The following DDX60L variants were observed in gnomAD, a reference collection of about 807,000 sequenced individuals.
The protein encoded by DDX60L is probable ATP-dependent RNA helicase DDX60-like.
Under a neutral mutation model 211.6 loss-of-function variants are expected in DDX60L, and 191 were observed. The observed-to-expected ratio is 0.90, with a 90% CI of 0.80 to 1.02. The LOEUF (loss-of-function observed/expected upper bound fraction) is 1.02. Among genes scored for constraint, DDX60L ranks in the 50% least tolerant of loss-of-function variants. DDX60L has a pLI of 0.00. For missense variants in DDX60L, 2,007 were observed against 1,984.1 expected (o/e 1.01, Z -0.22); for synonymous variants, 706 against 694.1 (o/e 1.02, Z -0.27).
At chr4:168,433,457 A>G (rs1752636317) in intron 10 of DDX60L, among the ~76,000 whole-genome samples, 1 of 152,150 alleles carries the variant, frequency 6.6e-6, no homozygotes, top group East Asian at 1.9e-4. Flanking sequence ...TTGAAAAAAG[A>G]AGCACCACTC....
At chr4:168,395,839 C>T (rs1437697772) in intron 27 of DDX60L, 120 bp downstream of exon 27, 1 of 710,504 alleles carries the variant, frequency 1.4e-6, no homozygotes. Flanking sequence ...AAATCACACA[C>T]AGAGATAATC....
At chr4:168,449,049 G>C (rs1755260646) in intron 8 of DDX60L, among the ~76,000 whole-genome samples, 1 of 152,090 alleles carries the variant, frequency 6.6e-6, no homozygotes, top group Non-Finnish European at 1.5e-5. Context: ...TAAAACTATA[G>C]ATGACAATAC....
At chr4:168,399,936 T>C (rs1158762639) in intron 26 of DDX60L, among the ~76,000 whole-genome samples, 2 of 152,214 alleles carry the variant, frequency 1.3e-5, no homozygotes, top group African/African-American at 4.8e-5. Context: ...GAGTTTGTTG[T>C]ACAGATTATT....
intron 35 of DDX60L, among the ~76,000 whole-genome samples, chr4:168,372,222 G>A (rs2149638640): frequency 6.6e-6 from 1 of 152,210 alleles, no homozygotes; most frequent in African/African-American, 2.4e-5. Context: ...AAATGAAACA[G>A]CACAAACCTC....
At chr4:168,359,664 G>A (rs548465386) in intron 37 of DDX60L, among the ~76,000 whole-genome samples, 16 of 152,152 alleles carry the variant, frequency 1.1e-4, no homozygotes, top group African/African-American at 3.9e-4. Context: ...GATCTATGTC[G>A]TACTCATCCT....
chr4:168,449,681 T>TAAAAAAAAAAAAAAAAAA (rs1755510284), intron 8 of DDX60L, among the ~76,000 whole-genome samples: 1 of 48,830 alleles, frequency 2.0e-5, no homozygotes. Context: ...AAGAAAAAAA[T>TAAAAAAAAAAAAAAAAAA]TACTAAATGA....
intron 26 of DDX60L, among the ~76,000 whole-genome samples, chr4:168,397,038 C>G (rs1315136534): frequency 1.3e-5 from 2 of 152,076 alleles, no homozygotes; most frequent in Non-Finnish European, 2.9e-5. Flanking sequence ...GATTGGCGAC[C>G]TTATAAAAGA....
At chr4:168,385,369 G>A (rs963436710) in intron 29 of DDX60L, among the ~76,000 whole-genome samples, 1 of 152,178 alleles carries the variant, frequency 6.6e-6, no homozygotes, top group African/African-American at 2.4e-5. Flanking sequence ...GGGCATGGAA[G>A]CTCCGTGCCC....
At chr4:168,368,393 T>C (rs1362797040) in intron 36 of DDX60L, among the ~76,000 whole-genome samples, 3 of 152,242 alleles carry the variant, frequency 2.0e-5, no homozygotes, top group African/African-American at 7.2e-5. Context: ...AGTCAATAAT[T>C]GAGATTTGGG....
chr4:168,469,929 A>G (rs1758523868), intron 4 of DDX60L: 1 of 152,220 alleles, frequency 6.6e-6, no homozygotes, highest in South Asian at 2.1e-4. Flanking sequence ...AATAATATAC[A>G]TGACAAGAGG....
At chr4:168,386,793 C>G (rs939369748) in intron 29 of DDX60L, among the ~76,000 whole-genome samples, 1 of 151,368 alleles carries the variant, frequency 6.6e-6, no homozygotes, top group African/African-American at 2.4e-5. Flanking sequence ...ACAATGACAG[C>G]AGAGAAGAAA....
chr4:168,386,208 G>A (rs1743838820), intron 29 of DDX60L, among the ~76,000 whole-genome samples: 1 of 152,036 alleles, frequency 6.6e-6, no homozygotes, highest in Admixed American at 6.6e-5. Flanking sequence ...TCTTTCAAAC[G>A]GCTGGAAGCG....
At chr4:168,380,365 C>T (rs1387327) in intron 30 of DDX60L, 140,024 of 152,272 alleles carry the variant, frequency 0.92, 65,519 homozygotes, top group East Asian at 1. Flanking sequence ...AATTTCCCCT[C>T]TGGTGCTGTT....
rs1746178537 is a variant in DDX60L, at chr4:168,398,311, C to G, written c.3492-2187G>C. 3.3e-5 allele frequency among the ~76,000 whole-genome samples: 5 copies of G among 152,234 alleles called. No homozygotes were observed. In the South Asian group the frequency reaches 1.0e-3, roughly 31 times the overall value. On this transcript the variant is annotated intron_variant, in intron 26 of 37. Coordinates refer to ENST00000682922, the MANE Select transcript of DDX60L (RefSeq NM_001012967.3). ...GGCCAAGCCTAGGTGCTGTCACAAC[C>G]TAGCCAGGTGTGTGCACGCTCAGGA...
intron 4 of DDX60L, chr4:168,470,199 T>A (rs1210139886): frequency 6.6e-6 from 1 of 152,238 alleles, no homozygotes; most frequent in Non-Finnish European, 1.5e-5. Context: ...GCACCAGAAC[T>A]GTTATTCATT....
chr4:168,479,685 C>T (rs1023052877), intron 1 of DDX60L, among the ~76,000 whole-genome samples: 2 of 152,084 alleles, frequency 1.3e-5, no homozygotes, highest in African/African-American at 4.8e-5. Context: ...GAGCTTAAAT[C>T]CGGCCGGGCG....
intron 37 of DDX60L, among the ~76,000 whole-genome samples, chr4:168,359,717 C>G (rs1738777759): frequency 6.6e-6 from 1 of 152,180 alleles, no homozygotes; most frequent in Non-Finnish European, 1.5e-5. Context: ...CCTTTGTCTA[C>G]CATTTTAAAT....
At chr4:168,471,151 C>T (rs1390514399) in intron 4 of DDX60L, among the ~76,000 whole-genome samples, 6 of 151,958 alleles carry the variant, frequency 3.9e-5, no homozygotes, top group East Asian at 1.9e-4. Context: ...AAATAAGTAC[C>T]GAACTCTAGT....
In DDX60L at chr4:168,472,443, C is replaced by G. The variant is rs774897279; in HGVS notation, c.74+12G>C. ...TAGTATAGCTCCTTCTTTTTTACTT[C>G]ACAGTACTTACCCAGCTTTTGGCAT... is the stretch of plus-strand genomic sequence containing the variant. On this transcript the variant is annotated intron_variant, in intron 3 of 37. Transcript: ENST00000682922. The G allele has an allele frequency of 2.5e-4, 393 of 1,543,266 alleles. No homozygotes were observed. Among genetic ancestry groups the G allele is most frequent in the Non-Finnish European group, 3.0e-4 (347 of 1,137,780 alleles).
Sources: allele counts gnomAD v4.1 joint callset (sites outside exome capture counted in the v4.1 genomes callset), GRCh38; gene constraint gnomAD v4.1.1; transcripts MANE v1.5; gene names NCBI Gene and HGNC (gene_info 2026-07-23, HGNC 2026-07-21).